Variants in ADPGK observed in about 807,000 individuals in gnomAD.
The protein encoded by ADPGK is ADP-dependent glucokinase.
ADPGK carries 26 observed loss-of-function variants against 42.4 expected under a neutral mutation model. The observed-to-expected ratio is 0.61, with a 90% CI of 0.45 to 0.85. The LOEUF (loss-of-function observed/expected upper bound fraction) is 0.85, where lower values mean the gene tolerates loss of function less well. Among genes scored for constraint, ADPGK ranks in the 40% least tolerant of loss-of-function variants. ADPGK has a pLI of 0.00. For missense variants in ADPGK, 571 were observed against 627.0 expected, an observed-to-expected ratio of 0.91 and a Z score of 0.95; for synonymous variants, 267 against 252.6, an observed-to-expected ratio of 1.06 and a Z score of -0.54.
intron 2 of ADPGK, among the ~76,000 whole-genome samples, chr15:72,772,717 G>A (rs1057078560): frequency 1.3e-5 from 2 of 152,142 alleles, no homozygotes; most frequent in Non-Finnish European, 2.9e-5. Flanking sequence ...GAAACACACT[G>A]ATGTGTTGGG....
intron 1 of ADPGK, among the ~76,000 whole-genome samples, chr15:72,782,604 G>C (rs1003624242): frequency 1.3e-5 from 2 of 149,422 alleles, no homozygotes; most frequent in African/African-American, 2.5e-5. Flanking sequence ...ATGCTAGAGA[G>C]ATTACATGAA....
At chr15:72,777,298 C>G (rs182721212) in intron 1 of ADPGK, among the ~76,000 whole-genome samples, 1 of 152,118 alleles carries the variant, frequency 6.6e-6, no homozygotes, top group Admixed American at 6.5e-5. Context: ...TCCAGACAGC[C>G]CAGTCTAAAA....
intron 2 of ADPGK, 43 bp from the exon 3 acceptor site, chr15:72,771,888 C>T (rs2066333022): frequency 9.8e-6 from 14 of 1,433,290 alleles, no homozygotes; most frequent in Non-Finnish European, 1.3e-5. Context: ...TTTAATACAA[C>T]TATATCACCC....
intron 1 of ADPGK, among the ~76,000 whole-genome samples, chr15:72,780,923 G>A (rs1299203166): frequency 1.3e-5 from 2 of 152,164 alleles, no homozygotes; most frequent in Admixed American, 1.3e-4. Context: ...AGTTTGGTTC[G>A]GGCTCCTTTC....
chr15:72,782,282 G>A (rs2066468818), intron 1 of ADPGK, among the ~76,000 whole-genome samples: 1 of 152,148 alleles, frequency 6.6e-6, no homozygotes, highest in Non-Finnish European at 1.5e-5. Flanking sequence ...GGGAGGCCAA[G>A]ATGGGAGGCT....
intron 3 of ADPGK, among the ~76,000 whole-genome samples, chr15:72,763,246 C>T (rs1414580153): frequency 6.6e-6 from 1 of 151,432 alleles, no homozygotes; most frequent in African/African-American, 2.4e-5. Flanking sequence ...CCACCTCCTG[C>T]GTTTAAGTGA....
intron 3 of ADPGK, among the ~76,000 whole-genome samples, chr15:72,765,146 T>A (rs1003301601): frequency 1.3e-5 from 2 of 151,972 alleles, no homozygotes; most frequent in Admixed American, 1.3e-4. Flanking sequence ...AATTAAGAAG[T>A]TATTTTGACT....
chr15:72,754,269 C>A (rs1227249104), intron 6 of ADPGK, among the ~76,000 whole-genome samples: 1 of 152,118 alleles, frequency 6.6e-6, no homozygotes, highest in African/African-American at 2.4e-5. Flanking sequence ...TCTGCAGATT[C>A]TAGTATCTGG....
rs541831799 is a variant in ADPGK at position 72,781,283 on chromosome 15, C to T, written c.233+2176G>A. Among the ~76,000 whole-genome samples the T allele has an allele frequency of 8.5e-4, 129 of 152,324 alleles. 1 individual carries two copies. Among genetic ancestry groups the T allele is most frequent in the African/African-American group, 3.0e-3 (125 of 41,560 alleles). ...GAACTTGTCATCAGTTAACTACTTA[C>T]AAACCTTTATGGCTTCCCCATAAAA... On this transcript the variant is annotated intron_variant, in intron 1 of 6. Transcript: ENST00000456471.
chr15:72,774,598 C>T (rs2066367391), intron 2 of ADPGK, among the ~76,000 whole-genome samples: 1 of 152,166 alleles, frequency 6.6e-6, no homozygotes. Flanking sequence ...AGGAAACTTG[C>T]TGGAAAGGTA....
At chr15:72,782,998 G>A (rs1365433513) in intron 1 of ADPGK, 2 of 160,320 alleles carry the variant, frequency 1.2e-5, no homozygotes, top group African/African-American at 4.8e-5. Flanking sequence ...GAGAGGAGTT[G>A]CAGTACAGTC....
At chr15:72,755,417 T>A in intron 6 of ADPGK, 139 bp downstream of exon 6, 1 of 620,534 alleles carries the variant, frequency 1.6e-6, no homozygotes, top group Non-Finnish European at 2.9e-6. Flanking sequence ...TGGATCTCCA[T>A]GGACTTGGGT....
chr15:72,781,971 G>C (rs2066463926), intron 1 of ADPGK, among the ~76,000 whole-genome samples: 1 of 152,198 alleles, frequency 6.6e-6, no homozygotes, highest in African/African-American at 2.4e-5. Context: ...CTGGCTGCAA[G>C]CTAGGAAGAG....
intron 3 of ADPGK, among the ~76,000 whole-genome samples, chr15:72,762,734 C>A (rs1595794057): frequency 6.6e-6 from 1 of 152,146 alleles, no homozygotes; most frequent in Non-Finnish European, 1.5e-5. Context: ...GTAATCCCAG[C>A]ACTTTGGGAG....
rs915785705 is a variant in ADPGK at position 72,758,089 on chromosome 15, C to G, written c.644-1642G>C. 8.1e-6 allele frequency: 13 copies of G among 1,612,478 alleles called. No homozygotes were observed. In the African/African-American group the frequency reaches 1.2e-4, roughly 15 times the overall value. ...CCTCCAAGAGTCTCTTCCTCTGGAG[C>G]TCCTTGCTTTGTCCCTCCATCATGT... On this transcript the variant is annotated intron_variant, in intron 4 of 6. Transcript: ENST00000456471.
Position 72,752,093 on chromosome 15 carries a change from A to C in ADPGK, c.*248T>G, listed in dbSNP as rs2066052664. The C allele has an allele frequency of 4.1e-6, 2 of 481,948 alleles. No homozygotes were observed. The highest frequency in any genetic ancestry group is 7.4e-6 in the Non-Finnish European group (2 of 270,832). The allele number at this position is 481,948 out of a possible 1,614,324, so 29.9% of individuals were successfully genotyped here. Reference sequence around the variant, plus strand: ...CTTAAAATACCTGATGGCGCTGCATAAACTGGGGATTTGGGAACTGAGTTT... The same window carrying C: ...CTTAAAATACCTGATGGCGCTGCATCAACTGGGGATTTGGGAACTGAGTTT... On this transcript the variant is annotated 3_prime_UTR_variant, in exon 7 of 7. Transcript: ENST00000456471.
intron 1 of ADPGK, among the ~76,000 whole-genome samples, chr15:72,782,169 T>C (rs1388411154): frequency 6.6e-6 from 1 of 152,146 alleles, no homozygotes; most frequent in African/African-American, 2.4e-5. Flanking sequence ...CATCTCTGTA[T>C]CTTAAGAACC....
chr15:72,759,831 G>T (rs2151074946), intron 4 of ADPGK, among the ~76,000 whole-genome samples: 1 of 152,336 alleles, frequency 6.6e-6, no homozygotes, highest in East Asian at 1.9e-4. Flanking sequence ...TATAAAATCT[G>T]CTGGGAAGAG....
chr15:72,752,084 G>A lies in ADPGK; in HGVS notation c.*257C>T. ...GAAGTTTAGCTTAAAATACCTGATGGCGCTGCATAAACTGGGGATTTGGGA... is the reference window on the plus strand; with the variant it reads ...GAAGTTTAGCTTAAAATACCTGATGACGCTGCATAAACTGGGGATTTGGGA... On this transcript the variant is annotated 3_prime_UTR_variant, in exon 7 of 7. Transcript: ENST00000456471. 1 of 460,168 alleles carries A rather than the reference G, an allele frequency of 2.2e-6. No homozygotes were observed. The highest frequency in any genetic ancestry group is 3.9e-6 in the Non-Finnish European group (1 of 257,502). 28.5% of individuals were successfully genotyped at this position (460,168 alleles called of 1,614,324 possible).
Sources: gnomAD v4.1 joint callset for allele counts (sites outside exome capture counted in the v4.1 genomes callset) on GRCh38, gnomAD v4.1.1 for gene constraint, MANE v1.5 for transcripts, NCBI Gene and HGNC (gene_info 2026-07-23, HGNC 2026-07-21) for gene names.